Variants in XKR9 observed in about 807,000 individuals in gnomAD.
XKR9 encodes XK related 9.
XKR9 carries 32 observed loss-of-function variants against 32.0 expected under a neutral mutation model. The observed-to-expected ratio is 1.00, with a 90% CI of 0.76 to 1.34. The LOEUF is 1.34. Ranked by LOEUF, XKR9 falls within the 40% of genes most tolerant of loss-of-function variation. The probability of loss-of-function intolerance (pLI) is 0.00; values close to 1 mark genes in which losing one functional copy is unlikely to be tolerated. For synonymous variants in XKR9, 168 were observed against 143.4 expected, an observed-to-expected ratio of 1.17 and a Z score of -1.22; for missense variants, 546 against 429.7, an observed-to-expected ratio of 1.27 and a Z score of -2.39.
chr8:70,880,424 G>A, the XKR9 span, among the ~76,000 whole-genome samples: 1 of 152,178 alleles, frequency 6.6e-6, no homozygotes, highest in Non-Finnish European at 1.5e-5. Context: ...CTTAGGCAAA[G>A]TGTCAGGATG....
At chr8:70,704,272 T>G (rs1375929645) in intron 3 of XKR9, among the ~76,000 whole-genome samples, 1 of 152,188 alleles carries the variant, frequency 6.6e-6, no homozygotes, top group Non-Finnish European at 1.5e-5. Context: ...ATATTCATAT[T>G]CCTTTTTCCA....
chr8:70,846,917 T>C, the XKR9 span, among the ~76,000 whole-genome samples: 1 of 152,010 alleles, frequency 6.6e-6, no homozygotes, highest in Non-Finnish European at 1.5e-5. Context: ...ATTCTCAGCT[T>C]TAGACAAATC....
At chr8:70,992,419 A>G in the XKR9 span, among the ~76,000 whole-genome samples, 1 of 151,944 alleles carries the variant, frequency 6.6e-6, no homozygotes, top group Non-Finnish European at 1.5e-5. Context: ...TTTGGTGTCC[A>G]GCGACCACTC....
the XKR9 span, among the ~76,000 whole-genome samples, chr8:70,991,082 G>GT: frequency 4.6e-5 from 7 of 152,074 alleles, no homozygotes; most frequent in African/African-American, 1.7e-4. Flanking sequence ...TGTTTTTGTT[G>GT]TTTTTTTCTT....
chr8:70,780,624 G>A (rs755653973), intron 2 of XKR9, among the ~76,000 whole-genome samples: 5 of 152,086 alleles, frequency 3.3e-5, no homozygotes, highest in Non-Finnish European at 7.4e-5. Flanking sequence ...ACCTTCAGAG[G>A]AAGCATGACT....
intron 2 of XKR9, among the ~76,000 whole-genome samples, chr8:70,675,322 G>C (rs867365294): frequency 2.2e-4 from 34 of 152,126 alleles, no homozygotes; most frequent in African/African-American, 8.2e-4. Flanking sequence ...GCTACTTGGA[G>C]AGGCTGAGGC....
At chr8:70,756,256 T>C (rs1807224815) in intron 2 of XKR9, among the ~76,000 whole-genome samples, 1 of 152,226 alleles carries the variant, frequency 6.6e-6, no homozygotes, top group African/African-American at 2.4e-5. Context: ...TACTACACTG[T>C]TGATTACTGT....
chr8:71,045,416 C>T, the XKR9 span, among the ~76,000 whole-genome samples: 1 of 152,132 alleles, frequency 6.6e-6, no homozygotes, highest in Non-Finnish European at 1.5e-5. Flanking sequence ...ATGTGTGTGG[C>T]GCTCCTGTCG....
At chr8:70,971,030 C>T in the XKR9 span, among the ~76,000 whole-genome samples, 2 of 152,152 alleles carry the variant, frequency 1.3e-5, no homozygotes, top group South Asian at 4.1e-4. Context: ...ACTTTTAGTT[C>T]TTTAAGGAAT....
downstream of XKR9, among the ~76,000 whole-genome samples, chr8:70,739,804 C>T (rs1284707456): frequency 5.9e-5 from 9 of 152,230 alleles, no homozygotes; most frequent in Admixed American, 1.3e-4. Context: ...CCCCCACTCT[C>T]TTCTGGCTTG....
chr8:70,839,277 G>A, the XKR9 span, among the ~76,000 whole-genome samples: 1 of 152,038 alleles, frequency 6.6e-6, no homozygotes, highest in Admixed American at 6.6e-5. Context: ...ACAATATAAA[G>A]CAGATATGCT....
At chr8:71,041,377 A>G in the XKR9 span, among the ~76,000 whole-genome samples, 1 of 152,196 alleles carries the variant, frequency 6.6e-6, no homozygotes, top group East Asian at 1.9e-4. Context: ...AGTAAAATGC[A>G]GGCTATGTTT....
At chr8:70,751,085 G>T (rs1231183255) in intron 2 of XKR9, among the ~76,000 whole-genome samples, 1 of 152,082 alleles carries the variant, frequency 6.6e-6, no homozygotes, top group Non-Finnish European at 1.5e-5. Flanking sequence ...ATAGCTTGCT[G>T]GCCCACCCTG....
chr8:70,716,884 G>A (rs1806112125), intron 4 of XKR9, among the ~76,000 whole-genome samples: 2 of 152,196 alleles, frequency 1.3e-5, no homozygotes. Flanking sequence ...TCAACAGCAA[G>A]TTAGTTACTT....
chr8:70,791,498 C>T (rs1249997286), downstream of XKR9, among the ~76,000 whole-genome samples: 1 of 152,052 alleles, frequency 6.6e-6, no homozygotes, highest in Non-Finnish European at 1.5e-5. Flanking sequence ...GCCACGAGGG[C>T]TTTGCCCTTA....
intron 1 of XKR9, among the ~76,000 whole-genome samples, chr8:70,670,999 C>T (rs773634668): frequency 2.0e-5 from 3 of 152,108 alleles, no homozygotes; most frequent in African/African-American, 7.2e-5. Context: ...CTGGGCACTC[C>T]CCTTCTTTTA....
the XKR9 span, among the ~76,000 whole-genome samples, chr8:70,975,901 G>A: frequency 6.6e-6 from 1 of 152,032 alleles, no homozygotes; most frequent in South Asian, 2.1e-4. Context: ...ATTTGTTTGT[G>A]TCCTCTTTTA....
At chr8:70,853,710 A>G in the XKR9 span, among the ~76,000 whole-genome samples, 2 of 151,886 alleles carry the variant, frequency 1.3e-5, no homozygotes, top group African/African-American at 4.8e-5. Context: ...CTGGTGTGTG[A>G]TGTTCCCCTT....
the XKR9 span, among the ~76,000 whole-genome samples, chr8:70,857,615 T>C: frequency 7.9e-5 from 12 of 152,196 alleles, no homozygotes; most frequent in Non-Finnish European, 5.9e-5. Flanking sequence ...ACTTATTTCA[T>C]GAGGCAAGCA....
Sources: allele counts gnomAD v4.1 joint callset (sites outside exome capture counted in the v4.1 genomes callset), GRCh38; gene constraint gnomAD v4.1.1; transcripts MANE v1.5; gene names NCBI Gene and HGNC (gene_info 2026-07-23, HGNC 2026-07-21).